KSR2: variants seen among roughly 807,000 people sequenced by gnomAD.
KSR2 encodes kinase suppressor of ras 2.
Under a neutral mutation model 107.8 loss-of-function variants are expected in KSR2, and 25 were observed. The ratio of observed to expected loss-of-function variants is 0.23; its 90% CI spans 0.17 to 0.32. The LOEUF (loss-of-function observed/expected upper bound fraction) is 0.32. Ranked by LOEUF, KSR2 falls within the 10% of genes least tolerant of loss-of-function variation. The pLI is 1.00. For synonymous variants in KSR2, 480 were observed against 507.0 expected, an observed-to-expected ratio of 0.95 and a Z score of 0.71; for missense variants, 887 against 1,268.9, an observed-to-expected ratio of 0.70 and a Z score of 4.57.
At chr12:117,563,525 A>T (rs1362887287) in intron 7 of KSR2, among the ~76,000 whole-genome samples, 1 of 152,172 alleles carries the variant, frequency 6.6e-6, no homozygotes, top group Non-Finnish European at 1.5e-5. Flanking sequence ...GGTTGCAGTG[A>T]GGACTAATGA....
At chr12:117,864,408 G>A (rs893676749) in intron 1 of KSR2, among the ~76,000 whole-genome samples, 6 of 152,188 alleles carry the variant, frequency 3.9e-5, no homozygotes, top group Non-Finnish European at 7.3e-5. Context: ...AAATGTTGAT[G>A]TAAATGTGTG....
chr12:117,667,720 A>G lies in KSR2; in HGVS notation c.987-62T>C. On this transcript the variant is annotated intron_variant, in intron 4 of 19. Transcript: ENST00000339824. ...ATCCATAGGTGCACAAAGTTACAGC[A>G]GGGAGGCCCAGCCTTGTGTTTCCCA... is the stretch of plus-strand genomic sequence containing the variant. 3 of 1,372,292 alleles carry G rather than the reference A, an allele frequency of 2.2e-6. No homozygotes were observed. The South Asian group carries it at 4.5e-5, about 21-fold the overall frequency. The allele number at this position is 1,372,292 out of a possible 1,614,324, so 85.0% of individuals were successfully genotyped here. A position where few individuals can be genotyped will look rare whatever the true frequency, so the allele number is the denominator to read the frequency against.
chr12:117,630,196 C>T (rs140772341), intron 5 of KSR2, among the ~76,000 whole-genome samples: 146 of 152,298 alleles, frequency 9.6e-4, no homozygotes, highest in African/African-American at 2.8e-3. Context: ...TTCTCATTTG[C>T]GGAAACACTT....
At chr12:117,663,987 T>C (rs1468173393) in intron 5 of KSR2, among the ~76,000 whole-genome samples, 1 of 152,202 alleles carries the variant, frequency 6.6e-6, no homozygotes, top group East Asian at 1.9e-4. Context: ...TCTCTATTTC[T>C]CTGGGAAGCA....
intron 1 of KSR2, among the ~76,000 whole-genome samples, chr12:117,874,329 C>T (rs1422867862): frequency 6.6e-6 from 1 of 152,078 alleles, no homozygotes; most frequent in African/African-American, 2.4e-5. Flanking sequence ...ACCTCCTGAA[C>T]TCAAGCAATC....
At chr12:117,933,523 C>T (rs1402263923) in intron 1 of KSR2, among the ~76,000 whole-genome samples, 2 of 151,614 alleles carry the variant, frequency 1.3e-5, no homozygotes, top group East Asian at 3.9e-4. Context: ...ACCCGGGAGG[C>T]GGAGCTTGCA....
chr12:117,611,529 T>C (rs1483086398), intron 5 of KSR2, among the ~76,000 whole-genome samples: 1 of 150,736 alleles, frequency 6.6e-6, no homozygotes, highest in African/African-American at 2.4e-5. Flanking sequence ...CGTAGCATGG[T>C]TATGTTTACA....
At chr12:117,790,875 A>G (rs1163441715) in intron 3 of KSR2, among the ~76,000 whole-genome samples, 1 of 151,650 alleles carries the variant, frequency 6.6e-6, no homozygotes. Context: ...AGTCCCAAAT[A>G]CCCTCACCTC....
At chr12:117,627,827 C>G (rs535466256) in intron 5 of KSR2, among the ~76,000 whole-genome samples, 11 of 152,122 alleles carry the variant, frequency 7.2e-5, no homozygotes, top group Non-Finnish European at 1.2e-4. Context: ...CTGCATCACT[C>G]TCAGGTACAC....
intron 4 of KSR2, among the ~76,000 whole-genome samples, chr12:117,750,898 G>A (rs377542786): frequency 1.2e-3 from 177 of 152,186 alleles, no homozygotes; most frequent in African/African-American, 4.1e-3. Context: ...TTCTTTATCC[G>A]ATCCACCATG....
At position 117,460,341 on chromosome 12, in the gene KSR2, CCT is replaced by C. The variant is rs915632644; in HGVS notation, c.*6856_*6857del. The C allele has an allele frequency of 2.0e-5, 3 of 152,254 alleles. No homozygotes were observed. Among genetic ancestry groups the C allele is most frequent in the Non-Finnish European group, 4.4e-5 (3 of 68,026 alleles). The allele number at this position is 152,254 out of a possible 1,614,324, so 9.4% of individuals were successfully genotyped here. On this transcript the variant is annotated 3_prime_UTR_variant, in exon 20 of 20. Coordinates refer to ENST00000339824, the MANE Select transcript of KSR2 (RefSeq NM_173598.6). ...TGGGAAGGAAGGGCCCTTTCCCACC[CCT>C]GAGAGGGAAGAGCACTCACTGATGT...
chr12:117,588,055 G>A (rs1297313313), intron 5 of KSR2, among the ~76,000 whole-genome samples: 5 of 152,020 alleles, frequency 3.3e-5, no homozygotes, highest in African/African-American at 9.7e-5. Context: ...CTTTCCCACC[G>A]GAGCTATCAT....
At chr12:117,584,473 T>C (rs1489108263) in intron 5 of KSR2, among the ~76,000 whole-genome samples, 3 of 152,094 alleles carry the variant, frequency 2.0e-5, no homozygotes, top group Non-Finnish European at 4.4e-5. Flanking sequence ...GAGTGCTAAA[T>C]GGGTTTCATT....
chr12:117,658,668 A>G (rs1413820439), intron 5 of KSR2, among the ~76,000 whole-genome samples: 1 of 152,182 alleles, frequency 6.6e-6, no homozygotes, highest in Non-Finnish European at 1.5e-5. Flanking sequence ...GGCATCATGG[A>G]AAAGAAGGGT....
chr12:117,527,324 CAG>C lies in KSR2; in HGVS notation c.1803-207_1803-206del, dbSNP rs58270726. On this transcript the variant is annotated intron_variant, in intron 12 of 19. Coordinates refer to ENST00000339824, the MANE Select transcript of KSR2 (RefSeq NM_173598.6). ...ACAGACACACACACACACACACACA[CAG>C]ACACACACACACACACACACAGACA... is the stretch of plus-strand genomic sequence containing the variant. 2.3e-3 allele frequency among the ~76,000 whole-genome samples: 298 copies of C among 128,544 alleles called. 5 individuals carry two copies. Among genetic ancestry groups the C allele is most frequent in the African/African-American group, 0.011 (275 of 25,598 alleles). 84.3% of individuals were successfully genotyped at this position (128,544 alleles called of 152,430 possible).
At position 117,703,635 on chromosome 12, in the gene KSR2, C is replaced by T. The variant is rs1324583180; in HGVS notation, c.987-35977G>A. Reference sequence around the variant, plus strand: ...CCAATTCCACCTCCCACTGAAAAACCACTTGTGTGTCTTAAGTGACGCTGA... The same window carrying T: ...CCAATTCCACCTCCCACTGAAAAACTACTTGTGTGTCTTAAGTGACGCTGA... On this transcript the variant is annotated intron_variant, in intron 4 of 19. Coordinates refer to ENST00000339824, the MANE Select transcript of KSR2 (RefSeq NM_173598.6). Among the ~76,000 whole-genome samples the T allele has an allele frequency of 2.6e-5, 4 of 152,170 alleles. No homozygotes were observed. In the East Asian group the frequency reaches 5.8e-4, roughly 22 times the overall value.
At chr12:117,695,063 A>C (rs1260772837) in intron 4 of KSR2, among the ~76,000 whole-genome samples, 2 of 151,952 alleles carry the variant, frequency 1.3e-5, no homozygotes, top group East Asian at 3.9e-4. Flanking sequence ...GTTGGCCAGG[A>C]TGGTCTCAAT....
At chr12:117,879,763 T>G (rs1265259366) in intron 1 of KSR2, among the ~76,000 whole-genome samples, 2 of 152,142 alleles carry the variant, frequency 1.3e-5, no homozygotes, top group African/African-American at 4.8e-5. Context: ...ATAAATGCAG[T>G]TTAAATTTTT....
intron 17 of KSR2, among the ~76,000 whole-genome samples, chr12:117,475,372 C>A (rs777704162): frequency 1.6e-4 from 25 of 152,168 alleles, no homozygotes; most frequent in Non-Finnish European, 2.9e-4. Flanking sequence ...TCCATCAGCT[C>A]CCTTTCCTCC....
Sources: gnomAD v4.1 joint callset for allele counts (sites outside exome capture counted in the v4.1 genomes callset) on GRCh38, gnomAD v4.1.1 for gene constraint, MANE v1.5 for transcripts, NCBI Gene and HGNC (gene_info 2026-07-23, HGNC 2026-07-21) for gene names.